SOBP: variants seen among roughly 807,000 people sequenced by gnomAD.
SOBP encodes sine oculis-binding protein homolog.
A neutral mutation model predicts 53.6 loss-of-function variants in SOBP; 4 were observed. The ratio of observed to expected loss-of-function variants is 0.07; its 90% CI spans 0.04 to 0.17. The LOEUF is 0.17. Among genes scored for constraint, SOBP ranks in the 10% least tolerant of loss-of-function variants. The probability of loss-of-function intolerance (pLI) is 1.00; values close to 1 mark genes in which losing one functional copy is unlikely to be tolerated. For missense variants in SOBP, 1,088 were observed against 1,204.7 expected, an observed-to-expected ratio of 0.90 and a Z score of 1.43; for synonymous variants, 584 against 522.6, an observed-to-expected ratio of 1.12 and a Z score of -1.60.
intron 4 of SOBP, among the ~76,000 whole-genome samples, chr6:107,577,439 G>C (rs531097986): frequency 4.6e-5 from 7 of 152,292 alleles, no homozygotes; most frequent in African/African-American, 1.7e-4. Context: ...TCTCAACAAG[G>C]CACATCCAGG....
chr6:107,522,996 C>T (rs527767434), intron 3 of SOBP, among the ~76,000 whole-genome samples: 2 of 152,186 alleles, frequency 1.3e-5, no homozygotes, highest in South Asian at 2.1e-4. Flanking sequence ...GTGGGAAACG[C>T]AGTGAAGGGG....
At chr6:107,593,262 G>C (rs1785823110) in intron 5 of SOBP, among the ~76,000 whole-genome samples, 1 of 152,222 alleles carries the variant, frequency 6.6e-6, no homozygotes, top group Admixed American at 6.5e-5. Context: ...ACATGAGGGA[G>C]GGCTAGAGTT....
chr6:107,639,865 G>T (rs1001980256), intron 6 of SOBP, among the ~76,000 whole-genome samples: 1 of 152,178 alleles, frequency 6.6e-6, no homozygotes, highest in African/African-American at 2.4e-5. Flanking sequence ...TGTGTACAAG[G>T]AGTAACCCTT....
chr6:107,500,677 A>G (rs1003408227), intron 1 of SOBP, among the ~76,000 whole-genome samples: 8 of 151,318 alleles, frequency 5.3e-5, no homozygotes, highest in African/African-American at 1.5e-4. Flanking sequence ...GCCCGCCACT[A>G]CGCCCGGCTA....
intron 4 of SOBP, among the ~76,000 whole-genome samples, chr6:107,554,628 G>C: frequency 6.6e-6 from 1 of 152,138 alleles, no homozygotes; most frequent in Non-Finnish European, 1.5e-5. Context: ...GGAATCCATT[G>C]GAGCCACCAA....
chr6:107,584,894 G>T (rs565528686), intron 4 of SOBP, among the ~76,000 whole-genome samples: 3 of 151,906 alleles, frequency 2.0e-5, no homozygotes, highest in Non-Finnish European at 4.4e-5. Context: ...ATATCCTTAG[G>T]CATCTGGTGT....
At chr6:107,558,504 G>A (rs935528461) in intron 4 of SOBP, among the ~76,000 whole-genome samples, 15 of 151,740 alleles carry the variant, frequency 9.9e-5, no homozygotes, top group South Asian at 6.2e-4. Flanking sequence ...TCCTGACCTC[G>A]TGATCCGCCC....
intron 5 of SOBP, among the ~76,000 whole-genome samples, chr6:107,614,173 G>A (rs1164582838): frequency 2.0e-5 from 3 of 152,280 alleles, no homozygotes; most frequent in Non-Finnish European, 4.4e-5. Context: ...AGGCTGAGGC[G>A]GGAGGATCAC....
chr6:107,532,272 C>CACCACA (rs56398781), intron 3 of SOBP, among the ~76,000 whole-genome samples: 1 of 108,052 alleles, frequency 9.3e-6, no homozygotes, highest in African/African-American at 2.9e-5. Flanking sequence ...CACACACACA[C>CACCACA]CACACACACA....
At chr6:107,497,575 T>C (rs1255682941) in intron 1 of SOBP, among the ~76,000 whole-genome samples, 2 of 152,134 alleles carry the variant, frequency 1.3e-5, no homozygotes, top group Non-Finnish European at 2.9e-5. Flanking sequence ...GATATATGTC[T>C]TTTCATGCCC....
At chr6:107,527,833 A>T (rs944617604) in intron 3 of SOBP, among the ~76,000 whole-genome samples, 1 of 152,174 alleles carries the variant, frequency 6.6e-6, no homozygotes. Flanking sequence ...TCCTAAGTGG[A>T]TCTGCCTGTT....
In SOBP at chr6:107,635,359, G is replaced by C. The variant is rs1217913547; in HGVS notation, c.2515G>C (p.Ala839Pro). The change falls in exon 6 of 7, where the codon GCC (alanine) becomes CCC (proline). Residue 839 changes from alanine to proline, a missense_variant. Transcript: ENST00000317357. The surrounding 1 kb of genome is among the most constrained non-coding windows in gnomAD (Gnocchi z 4.5). ...TGTGCCAAAACCCGCGGAGAAGGCT[G>C]CCATGGCACCGTGCATCATCTCCTC... The part of the protein sequence containing the change: ...QPVPKPAEKA[A>P]MAPCIISSPM... 6.2e-7 allele frequency: 1 copy of C among 1,613,590 alleles called. No homozygotes were observed. The highest frequency in any genetic ancestry group is 8.5e-7 in the Non-Finnish European group (1 of 1,180,032).
intron 5 of SOBP, among the ~76,000 whole-genome samples, chr6:107,600,350 G>A (rs1786133837): frequency 6.6e-6 from 1 of 152,200 alleles, no homozygotes; most frequent in African/African-American, 2.4e-5. Flanking sequence ...ATGTGAATGT[G>A]CTTCCAGGAT....
intron 6 of SOBP, among the ~76,000 whole-genome samples, chr6:107,655,552 T>C (rs1527876): frequency 0.68 from 102,732 of 152,080 alleles, 37,622 homozygotes; most frequent in Non-Finnish European, 0.84. Context: ...AAGCTTCGTG[T>C]GAGCAAGCTT....
At chr6:107,543,054 A>G (rs1346798587) in intron 4 of SOBP, among the ~76,000 whole-genome samples, 1 of 152,186 alleles carries the variant, frequency 6.6e-6, no homozygotes, top group Non-Finnish European at 1.5e-5. Flanking sequence ...TTTTGATGTC[A>G]GCTTTATTCT....
chr6:107,508,314 C>T (rs1783055273), intron 3 of SOBP, among the ~76,000 whole-genome samples: 1 of 152,188 alleles, frequency 6.6e-6, no homozygotes, highest in Non-Finnish European at 1.5e-5. Flanking sequence ...TTCAGCCTGG[C>T]ACACCTGTAA....
At chr6:107,650,530 T>G (rs1437629503) in intron 6 of SOBP, among the ~76,000 whole-genome samples, 1 of 152,250 alleles carries the variant, frequency 6.6e-6, no homozygotes, top group East Asian at 1.9e-4. Flanking sequence ...TTCAAACATT[T>G]TCATTATCAT....
At position 107,635,488 on chromosome 6, in the gene SOBP, C is replaced by A; in HGVS notation, c.*3+19C>A. Reference sequence around the variant, plus strand: ...GTAAAAGGTTTGTATGTCCGCCGGGCGCTCCTCCACACCAGCCAGTGCACC... The same window carrying A: ...GTAAAAGGTTTGTATGTCCGCCGGGAGCTCCTCCACACCAGCCAGTGCACC... On this transcript the variant is annotated intron_variant, in intron 6 of 6. Coordinates refer to ENST00000317357, the MANE Select transcript of SOBP (RefSeq NM_018013.4). This position sits in a 1 kb window ranked among gnomAD's most constrained non-coding sequence, Gnocchi z 4.5. 6.2e-7 allele frequency: 1 copy of A among 1,611,268 alleles called. No homozygotes were observed. The highest frequency in any genetic ancestry group is 8.5e-7 in the Non-Finnish European group (1 of 1,179,962).
intron 4 of SOBP, among the ~76,000 whole-genome samples, chr6:107,534,889 G>C (rs1442700416): frequency 2.0e-5 from 3 of 152,206 alleles, no homozygotes; most frequent in Non-Finnish European, 4.4e-5. Flanking sequence ...GACACGTTTT[G>C]TTTTAATATA....
Sources: gnomAD v4.1 joint callset for allele counts (sites outside exome capture counted in the v4.1 genomes callset) on GRCh38, gnomAD v4.1.1 for gene constraint, Gnocchi (gnomAD v3.1) non-coding constraint, MANE v1.5 for transcripts, NCBI Gene and HGNC (gene_info 2026-07-23, HGNC 2026-07-21) for gene names.